The following DHRS7B variants were observed in gnomAD, a reference collection of about 807,000 sequenced individuals.
DHRS7B encodes dehydrogenase/reductase 7B.
A neutral mutation model predicts 26.4 loss-of-function variants in DHRS7B; 24 were observed. The observed-to-expected ratio is 0.91, with a 90% CI of 0.66 to 1.28. The LOEUF (loss-of-function observed/expected upper bound fraction) is 1.28. Among genes scored for constraint, DHRS7B ranks in the 50% most tolerant of loss-of-function variants. DHRS7B has a pLI of 0.00. For synonymous variants in DHRS7B, 142 were observed against 166.4 expected, an observed-to-expected ratio of 0.85 and a Z score of 1.13; for missense variants, 368 against 419.4, an observed-to-expected ratio of 0.88 and a Z score of 1.07.
intron 1 of DHRS7B, among the ~76,000 whole-genome samples, chr17:21,164,133 A>G (rs563332391): frequency 6.8e-6 from 1 of 147,826 alleles, no homozygotes; most frequent in African/African-American, 2.5e-5. Flanking sequence ...GGCTCAGGCA[A>G]TCCTCCCACC....
At chr17:21,138,592 G>A (rs1002684754) in intron 1 of DHRS7B, among the ~76,000 whole-genome samples, 1 of 151,818 alleles carries the variant, frequency 6.6e-6, no homozygotes, top group Non-Finnish European at 1.5e-5. Flanking sequence ...ATTCTTTCTC[G>A]TAAAATTATT....
At chr17:21,177,283 C>T (rs1039241995) in intron 2 of DHRS7B, among the ~76,000 whole-genome samples, 1 of 152,198 alleles carries the variant, frequency 6.6e-6, no homozygotes, top group Admixed American at 6.5e-5. Flanking sequence ...CACTTGGGTC[C>T]CTCCTAGGTT....
At chr17:21,168,907 CTCTTT>C (rs1463516993) in intron 1 of DHRS7B, 1 of 985,300 alleles carries the variant, frequency 1.0e-6, no homozygotes, top group Non-Finnish European at 1.2e-6. Context: ...GTAGTTTTCG[CTCTTT>C]TCTTCATGTC....
At chr17:21,133,398 A>G (rs1973279902) in intron 1 of DHRS7B, among the ~76,000 whole-genome samples, 1 of 138,466 alleles carries the variant, frequency 7.2e-6, no homozygotes, top group Non-Finnish European at 1.6e-5. Context: ...CTAGAAAGGC[A>G]GGACCACTCA....
Position 21,153,627 on chromosome 17 carries a change from A to G in DHRS7B, c.21-18391A>G, listed in dbSNP as rs976022158. Reference sequence around the variant, plus strand: ...GAAATGTCTTACAGTTCCAGAGGCTAGGAAGTAGAAGATCAAAGCACTGGC... The same window carrying G: ...GAAATGTCTTACAGTTCCAGAGGCTGGGAAGTAGAAGATCAAAGCACTGGC... On this transcript the variant is annotated intron_variant, in intron 1 of 6. Coordinates refer to ENST00000395511, the MANE Select transcript of DHRS7B (RefSeq NM_015510.5). Among the ~76,000 whole-genome samples the G allele has an allele frequency of 2.0e-5, 3 of 152,328 alleles. No homozygotes were observed. In the East Asian group the frequency reaches 5.8e-4, roughly 29 times the overall value.
At position 21,129,564 on chromosome 17, in the gene DHRS7B, G is replaced by T. The variant is rs189540792; in HGVS notation, c.20+2573G>T. Among the ~76,000 whole-genome samples, 24 of 151,802 alleles carry T rather than the reference G, an allele frequency of 1.6e-4. No homozygotes were observed. In the South Asian group the frequency reaches 4.4e-3, roughly 28 times the overall value. ...CTACAAAAAATAAAAAATTATCTAG[G>T]CGTGCTGGTGTGTACCTGTTGTCCC... is the stretch of plus-strand genomic sequence containing the variant. On this transcript the variant is annotated intron_variant, in intron 1 of 6. Coordinates refer to ENST00000395511, the MANE Select transcript of DHRS7B (RefSeq NM_015510.5).
intron 1 of DHRS7B, among the ~76,000 whole-genome samples, chr17:21,140,538 A>ACACACACAC (rs972677956): frequency 2.2e-5 from 3 of 134,754 alleles, no homozygotes; most frequent in Non-Finnish European, 3.2e-5. Context: ...ACACACACAC[A>ACACACACAC]CCCTGACACC....
At chr17:21,137,216 C>G (rs1055738803) in intron 1 of DHRS7B, among the ~76,000 whole-genome samples, 1 of 151,874 alleles carries the variant, frequency 6.6e-6, no homozygotes, top group South Asian at 2.1e-4. Flanking sequence ...GGTGATCCAC[C>G]TGCCTTGGCC....
chr17:21,185,724 C>T (rs989847098), intron 5 of DHRS7B, among the ~76,000 whole-genome samples: 1 of 151,362 alleles, frequency 6.6e-6, no homozygotes, highest in Non-Finnish European at 1.5e-5. Context: ...TTTCACTCTT[C>T]TCGCCCAGGC....
At chr17:21,177,226 C>T (rs372650166) in intron 2 of DHRS7B, among the ~76,000 whole-genome samples, 4 of 152,214 alleles carry the variant, frequency 2.6e-5, no homozygotes, top group African/African-American at 9.7e-5. Context: ...CTGGGGCCTG[C>T]CCGCGTGTGA....
chr17:21,167,440 C>G (rs968645530), intron 1 of DHRS7B, among the ~76,000 whole-genome samples: 2 of 152,186 alleles, frequency 1.3e-5, no homozygotes, highest in African/African-American at 4.8e-5. Flanking sequence ...GAGCTCTCTC[C>G]CTTCCTCACG....
At chr17:21,144,986 A>G (rs1218890838) in intron 1 of DHRS7B, among the ~76,000 whole-genome samples, 1 of 152,142 alleles carries the variant, frequency 6.6e-6, no homozygotes, top group Non-Finnish European at 1.5e-5. Context: ...AGGAATCTAT[A>G]CAGAGAATTG....
intron 2 of DHRS7B, among the ~76,000 whole-genome samples, chr17:21,175,926 CAAAAAAAAA>C (rs60913350): frequency 7.9e-6 from 1 of 126,228 alleles, no homozygotes; most frequent in Admixed American, 7.9e-5. Flanking sequence ...GACCCTGTAT[CAAAAAAAAA>C]AAAAAAAAAA....
At chr17:21,183,886 T>A in intron 4 of DHRS7B, 76 bp downstream of exon 4, 1 of 1,295,730 alleles carries the variant, frequency 7.7e-7, no homozygotes, top group Non-Finnish European at 1.1e-6. Context: ...CCTTTTCAGC[T>A]AAACGTTCCC....
intron 1 of DHRS7B, chr17:21,127,224 C>T (rs1973119623): frequency 4.0e-6 from 2 of 499,302 alleles, no homozygotes; most frequent in Admixed American, 4.3e-5. Context: ...CCGCCTGTCG[C>T]CGAGGTGTCT....
At chr17:21,151,273 T>A (rs1182548458) in intron 1 of DHRS7B, among the ~76,000 whole-genome samples, 1 of 151,910 alleles carries the variant, frequency 6.6e-6, no homozygotes, top group African/African-American at 2.4e-5. Flanking sequence ...TTGGGAGGCC[T>A]AGGCAGGTGG....
intron 5 of DHRS7B, among the ~76,000 whole-genome samples, chr17:21,187,379 A>C (rs1974661784): frequency 1.3e-5 from 2 of 151,498 alleles, no homozygotes; most frequent in African/African-American, 2.4e-5. Context: ...TAATCCCAGC[A>C]CTCTGGGAGG....
chr17:21,149,118 T>C (rs1275278567), intron 1 of DHRS7B, among the ~76,000 whole-genome samples: 1 of 152,092 alleles, frequency 6.6e-6, no homozygotes, highest in Admixed American at 6.5e-5. Context: ...GGCAACAGAC[T>C]TCTCAATGAA....
intron 1 of DHRS7B, among the ~76,000 whole-genome samples, chr17:21,137,922 T>C (rs10788716): frequency 0.86 from 127,864 of 148,586 alleles, 55,096 homozygotes; most frequent in African/African-American, 0.9. Context: ...TTAGTAGAGA[T>C]GGCATTTCAC....
Sources: allele counts gnomAD v4.1 joint callset (sites outside exome capture counted in the v4.1 genomes callset), GRCh38; gene constraint gnomAD v4.1.1; transcripts MANE v1.5; gene names NCBI Gene and HGNC (gene_info 2026-07-23, HGNC 2026-07-21).